The following PCDH15 variants were observed in gnomAD, a reference collection of about 807,000 sequenced individuals.
PCDH15 encodes protocadherin related 15.
PCDH15 carries 129 observed loss-of-function variants against 178.5 expected under a neutral mutation model. That is an observed-to-expected ratio of 0.72 (90% CI 0.63 to 0.84). The LOEUF (loss-of-function observed/expected upper bound fraction) is 0.84. Ranked by LOEUF, PCDH15 falls within the 40% of genes least tolerant of loss-of-function variation. The pLI, the probability that PCDH15 is intolerant of heterozygous loss-of-function variation, is 0.00. For synonymous variants in PCDH15, 800 were observed against 732.0 expected (o/e 1.09, Z -1.50); for missense variants, 2,230 against 2,099.9 (o/e 1.06, Z -1.21).
intron 1 of PCDH15, among the ~76,000 whole-genome samples, chr10:54,768,193 G>A (rs1948722234): frequency 6.6e-6 from 1 of 152,120 alleles, no homozygotes; most frequent in South Asian, 2.1e-4. Context: ...AACAGCATGA[G>A]AGCATAGAGA....
intron 5 of PCDH15, among the ~76,000 whole-genome samples, chr10:54,349,461 A>G (rs888844219): frequency 2.6e-5 from 4 of 152,240 alleles, no homozygotes; most frequent in Non-Finnish European, 4.4e-5. Context: ...TCTAAATTCA[A>G]TATGCAAACT....
intron 1 of PCDH15, among the ~76,000 whole-genome samples, chr10:55,172,566 A>G (rs906327394): frequency 2.0e-5 from 3 of 152,028 alleles, no homozygotes; most frequent in African/African-American, 7.2e-5. Context: ...ACCATTTTGA[A>G]ATTTAAAAGG....
chr10:54,143,762 T>A (rs1250796423), intron 14 of PCDH15, among the ~76,000 whole-genome samples: 3 of 152,226 alleles, frequency 2.0e-5, no homozygotes, highest in African/African-American at 7.2e-5. Context: ...AAGTAGAGTA[T>A]ACTTTTGTAA....
intron 5 of PCDH15, 127 bp downstream of exon 5, chr10:54,368,993 A>T: frequency 4.8e-6 from 5 of 1,046,890 alleles, no homozygotes; most frequent in Admixed American, 4.3e-5. Flanking sequence ...TATTTTTTTA[A>T]TGTTTTCTTG....
chr10:55,522,312 T>C (rs927255579), intron 2 of PCDH15, among the ~76,000 whole-genome samples: 1 of 151,882 alleles, frequency 6.6e-6, no homozygotes, highest in African/African-American at 2.4e-5. Flanking sequence ...AACACATTTT[T>C]ATTTGTTCTA....
chr10:55,546,229 T>C (rs1410224828), intron 2 of PCDH15, among the ~76,000 whole-genome samples: 1 of 152,086 alleles, frequency 6.6e-6, no homozygotes, highest in Non-Finnish European at 1.5e-5. Flanking sequence ...CTTAACAAAA[T>C]AAAAAACATT....
At position 54,056,046 on chromosome 10, in the gene PCDH15, A is replaced by G. The variant is rs1046161220; in HGVS notation, c.2220+10711T>C. Among the ~76,000 whole-genome samples, 5 of 152,220 alleles carry G rather than the reference A, an allele frequency of 3.3e-5. No homozygotes were observed. In the South Asian group the frequency reaches 1.0e-3, roughly 31 times the overall value. ...TAAATTATTCCCAGGAAATCCTTCAATTCTCTTTTAGGAATAAATAAGATT... is the reference window on the plus strand; with the variant it reads ...TAAATTATTCCCAGGAAATCCTTCAGTTCTCTTTTAGGAATAAATAAGATT... On this transcript the variant is annotated intron_variant, in intron 18 of 37. Transcript: ENST00000644397.
intron 3 of PCDH15, among the ~76,000 whole-genome samples, chr10:54,434,392 A>G (rs1224051357): frequency 2.0e-5 from 3 of 152,216 alleles, no homozygotes; most frequent in Non-Finnish European, 4.4e-5. Context: ...AGCTCCATTA[A>G]TTGTAAGTGC....
intron 1 of PCDH15, among the ~76,000 whole-genome samples, chr10:55,218,631 A>G (rs1353037024): frequency 1.3e-5 from 2 of 151,982 alleles, no homozygotes; most frequent in Non-Finnish European, 2.9e-5. Context: ...TTGATAGGTA[A>G]GCCATCAAAG....
intron 32 of PCDH15, among the ~76,000 whole-genome samples, chr10:53,825,686 AGATAATT>A (rs2076631082): frequency 6.6e-6 from 1 of 151,524 alleles, no homozygotes. Flanking sequence ...GTTCTTTTTA[AGATAATT>A]GATAATAATC....
At chr10:54,489,369 C>G (rs562399253) in intron 3 of PCDH15, among the ~76,000 whole-genome samples, 1 of 152,140 alleles carries the variant, frequency 6.6e-6, no homozygotes, top group South Asian at 2.1e-4. Context: ...TTCGTGATAT[C>G]TCAGATGATC....
At chr10:54,456,386 T>C (rs1171825229) in intron 3 of PCDH15, among the ~76,000 whole-genome samples, 2 of 152,194 alleles carry the variant, frequency 1.3e-5, no homozygotes, top group Non-Finnish European at 2.9e-5. Flanking sequence ...GTTTAATGAC[T>C]GTCCTATTGG....
chr10:55,032,838 G>A (rs1840645240), intron 2 of PCDH15, among the ~76,000 whole-genome samples: 1 of 152,086 alleles, frequency 6.6e-6, no homozygotes, highest in Admixed American at 6.6e-5. Context: ...AGTTTCAAGT[G>A]AGGAAGAGCT....
chr10:54,677,254 C>T (rs1420248990), intron 1 of PCDH15, among the ~76,000 whole-genome samples: 1 of 152,062 alleles, frequency 6.6e-6, no homozygotes, highest in Admixed American at 6.5e-5. Context: ...GGGCACACAC[C>T]TGAAGTCCTA....
chr10:55,367,262 G>T (rs954077548), intron 2 of PCDH15, among the ~76,000 whole-genome samples: 2 of 152,062 alleles, frequency 1.3e-5, no homozygotes, highest in African/African-American at 4.8e-5. Context: ...GAGCATTAAA[G>T]AATTGATGAT....
intron 18 of PCDH15, among the ~76,000 whole-genome samples, chr10:54,055,517 T>A (rs1232859425): frequency 6.6e-6 from 1 of 152,208 alleles, no homozygotes; most frequent in Non-Finnish European, 1.5e-5. Flanking sequence ...TGTGCAAGCA[T>A]TTATGCCCAG....
intron 2 of PCDH15, among the ~76,000 whole-genome samples, chr10:54,582,645 TCTCA>T (rs1368868497): frequency 6.6e-6 from 1 of 152,070 alleles, no homozygotes; most frequent in Non-Finnish European, 1.5e-5. Flanking sequence ...AGGTGTGGTG[TCTCA>T]CTCCCGTAAT....
At chr10:54,206,193 C>G (rs553976288) in intron 10 of PCDH15, among the ~76,000 whole-genome samples, 1 of 152,162 alleles carries the variant, frequency 6.6e-6, no homozygotes, top group Admixed American at 6.6e-5. Context: ...TGATAAAAAT[C>G]TTTCTTTTTG....
chr10:54,642,469 G>C (rs1364396193), intron 2 of PCDH15, among the ~76,000 whole-genome samples: 1 of 152,042 alleles, frequency 6.6e-6, no homozygotes, highest in African/African-American at 2.4e-5. Context: ...CCTCCATTTA[G>C]AATAAACTCC....
Sources: allele counts gnomAD v4.1 joint callset (sites outside exome capture counted in the v4.1 genomes callset), GRCh38; gene constraint gnomAD v4.1.1; transcripts MANE v1.5; gene names NCBI Gene and HGNC (gene_info 2026-07-23, HGNC 2026-07-21).